The following RIMS2 variants were observed in gnomAD, a reference collection of about 807,000 sequenced individuals.
The protein encoded by RIMS2 is regulating synaptic membrane exocytosis 2.
A neutral mutation model predicts 174.4 loss-of-function variants in RIMS2; 59 were observed. That is an observed-to-expected ratio of 0.34 (90% CI 0.27 to 0.42). RIMS2 has a LOEUF of 0.42. Among genes scored for constraint, RIMS2 ranks in the 10% least tolerant of loss-of-function variants. RIMS2 has a pLI of 1.00. For missense variants in RIMS2, 1,620 were observed against 1,666.3 expected (o/e 0.97, Z 0.48); for synonymous variants, 606 against 572.5 (o/e 1.06, Z -0.84).
At chr8:104,179,942 T>C (rs937406780) in intron 19 of RIMS2, among the ~76,000 whole-genome samples, 1 of 151,846 alleles carries the variant, frequency 6.6e-6, no homozygotes, top group Non-Finnish European at 1.5e-5. Flanking sequence ...TATCATACAT[T>C]CCAGTATGTA....
intron 1 of RIMS2, among the ~76,000 whole-genome samples, chr8:103,593,367 A>G (rs1386865849): frequency 6.6e-6 from 1 of 151,564 alleles, no homozygotes; most frequent in Non-Finnish European, 1.5e-5. Flanking sequence ...AGACCTATTC[A>G]AAGTACAAGA....
At chr8:103,615,072 G>A (rs2095474325) in intron 1 of RIMS2, among the ~76,000 whole-genome samples, 1 of 151,994 alleles carries the variant, frequency 6.6e-6, no homozygotes, top group South Asian at 2.1e-4. Flanking sequence ...GCTATAATTA[G>A]CATAATAAAG....
intron 17 of RIMS2, among the ~76,000 whole-genome samples, chr8:104,008,485 TTG>T (rs150330985): frequency 6.5e-4 from 96 of 148,372 alleles, no homozygotes; most frequent in East Asian, 1.4e-3. Flanking sequence ...TCTTATATGT[TTG>T]TGTGTGTGTG....
At chr8:104,139,426 C>A (rs1395936759) in intron 19 of RIMS2, among the ~76,000 whole-genome samples, 1 of 152,042 alleles carries the variant, frequency 6.6e-6, no homozygotes, top group Non-Finnish European at 1.5e-5. Flanking sequence ...TTTGTGTCCT[C>A]TTCAATTTCT....
At chr8:103,656,975 G>A (rs1356289497) in intron 1 of RIMS2, among the ~76,000 whole-genome samples, 1 of 152,136 alleles carries the variant, frequency 6.6e-6, no homozygotes, top group African/African-American at 2.4e-5. Context: ...AGCTGGGGGA[G>A]GGGAAAGTAA....
At chr8:103,850,927 A>C (rs1364312715) in intron 3 of RIMS2, among the ~76,000 whole-genome samples, 2 of 152,006 alleles carry the variant, frequency 1.3e-5, no homozygotes, top group Non-Finnish European at 2.9e-5. Context: ...TGTTAAATCT[A>C]TGATGTCCTT....
At chr8:103,557,717 T>C (rs2090753829) in intron 1 of RIMS2, among the ~76,000 whole-genome samples, 1 of 152,288 alleles carries the variant, frequency 6.6e-6, no homozygotes, top group Non-Finnish European at 1.5e-5. Flanking sequence ...TATTCAACAC[T>C]TTTCACTTAT....
intron 19 of RIMS2, among the ~76,000 whole-genome samples, chr8:104,091,858 C>G (rs925436281): frequency 1.3e-5 from 2 of 151,468 alleles, no homozygotes; most frequent in Non-Finnish European, 3.0e-5. Flanking sequence ...AAATTAAACC[C>G]TATGGTTCTA....
intron 15 of RIMS2, among the ~76,000 whole-genome samples, chr8:103,963,484 G>T (rs973746938): frequency 6.6e-6 from 1 of 152,114 alleles, no homozygotes; most frequent in South Asian, 2.1e-4. Flanking sequence ...TTCTAAGCTT[G>T]CAAGGCAGAT....
At chr8:104,053,375 C>G (rs939668344) in intron 19 of RIMS2, among the ~76,000 whole-genome samples, 1 of 152,052 alleles carries the variant, frequency 6.6e-6, no homozygotes, top group African/African-American at 2.4e-5. Flanking sequence ...TGCAATAGGT[C>G]CCACTTAAAA....
intron 2 of RIMS2, among the ~76,000 whole-genome samples, chr8:103,730,460 A>T (rs2097577247): frequency 1.3e-5 from 2 of 152,130 alleles, no homozygotes; most frequent in African/African-American, 2.4e-5. Context: ...TTGTCTAATT[A>T]TAGCTAACTT....
At chr8:103,710,605 C>T (rs965871691) in intron 2 of RIMS2, among the ~76,000 whole-genome samples, 5 of 151,988 alleles carry the variant, frequency 3.3e-5, no homozygotes, top group Non-Finnish European at 7.4e-5. Flanking sequence ...TTATTTTAAG[C>T]GTCAGAGTGT....
At chr8:104,086,483 C>A (rs1466306385) in intron 19 of RIMS2, among the ~76,000 whole-genome samples, 2 of 151,936 alleles carry the variant, frequency 1.3e-5, no homozygotes, top group African/African-American at 4.8e-5. Context: ...AAGATTGTTT[C>A]TCAAGGAGAA....
intron 1 of RIMS2, among the ~76,000 whole-genome samples, chr8:103,554,407 T>C (rs1374226919): frequency 6.6e-5 from 10 of 151,998 alleles, no homozygotes; most frequent in Non-Finnish European, 5.9e-5. Context: ...TTTCAAAAGA[T>C]GACATATACG....
chr8:103,876,451 A>T (rs1258539844), intron 3 of RIMS2, among the ~76,000 whole-genome samples: 3 of 151,428 alleles, frequency 2.0e-5, no homozygotes, highest in African/African-American at 7.3e-5. Flanking sequence ...ATTTTTTTAA[A>T]TTTTTTGTTT....
intron 2 of RIMS2, among the ~76,000 whole-genome samples, chr8:103,725,534 T>A (rs796137828): frequency 6.6e-6 from 1 of 152,320 alleles, no homozygotes; most frequent in African/African-American, 2.4e-5. Context: ...TCATCCATGA[T>A]GTTGCCTATA....
chr8:103,880,368 A>G, intron 3 of RIMS2: 1 of 257,072 alleles, frequency 3.9e-6, no homozygotes, highest in East Asian at 6.6e-5. Context: ...TACAGGGTAC[A>G]TTCTTACTTG....
At chr8:103,967,170 GTTTTTTTT>G (rs71575988) in intron 15 of RIMS2, among the ~76,000 whole-genome samples, 4 of 24,964 alleles carry the variant, frequency 1.6e-4, no homozygotes, top group South Asian at 4.4e-3. Context: ...ATCTGTTCTT[GTTTTTTTT>G]TTTTTTTTTT....
intron 3 of RIMS2, among the ~76,000 whole-genome samples, chr8:103,858,754 C>T (rs973557066): frequency 6.6e-6 from 1 of 151,230 alleles, no homozygotes; most frequent in Admixed American, 6.6e-5. Flanking sequence ...CACACACACA[C>T]ACACATATAT....
Sources: gnomAD v4.1 joint callset for allele counts (sites outside exome capture counted in the v4.1 genomes callset) on GRCh38, gnomAD v4.1.1 for gene constraint, MANE v1.5 for transcripts, NCBI Gene and HGNC (gene_info 2026-07-23, HGNC 2026-07-21) for gene names.